The following CTNNA1 variants were observed in gnomAD, a reference collection of about 807,000 sequenced individuals.
The protein encoded by CTNNA1 is catenin alpha 1.
Under a neutral mutation model 98.4 loss-of-function variants are expected in CTNNA1, and 37 were observed. The ratio of observed to expected loss-of-function variants is 0.38; its 90% confidence interval spans 0.29 to 0.49. CTNNA1 has a LOEUF of 0.49. CTNNA1 is among the 20% of genes least tolerant of loss of function. The pLI, the probability that CTNNA1 is intolerant of heterozygous loss-of-function variation, is 0.95. For synonymous variants in CTNNA1, 404 were observed against 413.2 expected (o/e 0.98, Z 0.27); for missense variants, 761 against 1,147.2 (o/e 0.66, Z 4.86).
At position 138,917,824 on chromosome 5, in the gene CTNNA1, G is replaced by A. The variant is rs749135177; in HGVS notation, c.1472G>A (p.Trp491Ter). ...QENMDLFKEQWEKQVRVLTDA... is the reference protein window; with the variant it reads ...QENMDLFKEQ ...AACATGGATCTTTTTAAAGAACAAT[G>A]GGAAAAACAAGTCCGTGTTCTCACA... The change falls in exon 11 of 18, where the codon TGG becomes TAG. Residue 491 changes from tryptophan (W) to a stop codon, truncating the protein, a stop_gained. Transcript: ENST00000302763. LOFTEE classifies it high-confidence loss of function. 1 of 1,614,154 alleles carries A rather than the reference G, an allele frequency of 6.2e-7. No homozygotes were observed. Among genetic ancestry groups the A allele is most frequent in the Non-Finnish European group, 8.5e-7 (1 of 1,180,002 alleles).
chr5:138,778,822 A>T (rs971034012), intron 1 of CTNNA1, among the ~76,000 whole-genome samples: 2 of 152,122 alleles, frequency 1.3e-5, no homozygotes, highest in African/African-American at 4.8e-5. Flanking sequence ...TCTAATCTCC[A>T]CTAAAGCTCT....
intron 1 of CTNNA1, among the ~76,000 whole-genome samples, chr5:138,772,185 T>G (rs1753627680): frequency 6.6e-6 from 1 of 152,244 alleles, no homozygotes; most frequent in South Asian, 2.1e-4. Flanking sequence ...TGTTGTAGAT[T>G]GCTAGCTAAA....
At chr5:138,860,719 A>AACT (rs1764193504) in intron 7 of CTNNA1, among the ~76,000 whole-genome samples, 1 of 151,838 alleles carries the variant, frequency 6.6e-6, no homozygotes, top group Non-Finnish European at 1.5e-5. Context: ...TGGTCTGGGC[A>AACT]CCTGACCTCA....
At chr5:138,837,345 T>A (rs979641123) in intron 7 of CTNNA1, among the ~76,000 whole-genome samples, 8 of 152,198 alleles carry the variant, frequency 5.3e-5, no homozygotes, top group Non-Finnish European at 1.2e-4. Context: ...AGGTCAAGTC[T>A]AGCCTGCCAC....
At chr5:138,809,574 T>C (rs73269609) in intron 3 of CTNNA1, among the ~76,000 whole-genome samples, 1,908 of 152,322 alleles carry the variant, frequency 0.013, 46 homozygotes, top group African/African-American at 0.038. Context: ...TGAGTCTCTG[T>C]TATGGCTGTA....
chr5:138,776,061 T>TTTTA (rs1754116790), intron 1 of CTNNA1, among the ~76,000 whole-genome samples: 1 of 148,662 alleles, frequency 6.7e-6, no homozygotes, highest in Non-Finnish European at 1.5e-5. Flanking sequence ...TTTTTTTTTT[T>TTTTA]TTATTGATCA....
chr5:138,913,280 T>C (rs1051647002), intron 10 of CTNNA1, among the ~76,000 whole-genome samples: 1 of 152,228 alleles, frequency 6.6e-6, no homozygotes, highest in African/African-American at 2.4e-5. Context: ...TTGTCTTTAG[T>C]TACATTAATG....
intron 5 of CTNNA1, among the ~76,000 whole-genome samples, chr5:138,819,802 GT>G (rs1170843591): frequency 2.0e-5 from 3 of 147,622 alleles, no homozygotes. Flanking sequence ...GTGTCTAATT[GT>G]AGTCCCCAGT....
chr5:138,926,580 A>G (rs773977845), intron 13 of CTNNA1, among the ~76,000 whole-genome samples: 3 of 150,648 alleles, frequency 2.0e-5, no homozygotes, highest in African/African-American at 4.9e-5. Context: ...TGTGTGCTCT[A>G]CCTTCCTCCT....
Position 138,929,231 on chromosome 5 carries a change from T to C in CTNNA1, c.1900-15T>C. ...CAGAGATGTGTCTGACCTGTGATCTTTGTCTGGGTGGCAGACCCCTGAGGA... is the reference window on the plus strand; with the variant it reads ...CAGAGATGTGTCTGACCTGTGATCTCTGTCTGGGTGGCAGACCCCTGAGGA... On this transcript the variant is annotated splice_polypyrimidine_tract_variant and intron_variant, in intron 13 of 17. Transcript: ENST00000302763. 7.0e-7 allele frequency: 1 copy of C among 1,429,528 alleles called. No homozygotes were observed. Among genetic ancestry groups the C allele is most frequent in the Admixed American group, 1.7e-5 (1 of 59,828 alleles). The allele number at this position is 1,429,528 out of a possible 1,614,324, so 88.6% of individuals were successfully genotyped here.
At chr5:138,917,617 C>T in intron 10 of CTNNA1, 125 bp from the exon 11 acceptor site, 1 of 934,664 alleles carries the variant, frequency 1.1e-6, no homozygotes, top group Non-Finnish European at 1.6e-6. Context: ...GTTTTACACT[C>T]TTCCCCTTCA....
intron 7 of CTNNA1, among the ~76,000 whole-genome samples, chr5:138,885,569 G>A (rs182787970): frequency 6.6e-6 from 1 of 152,244 alleles, no homozygotes; most frequent in East Asian, 1.9e-4. Context: ...GACCTCTGAA[G>A]ACATGCTGTT....
chr5:138,812,401 T>A, intron 5 of CTNNA1, 99 bp downstream of exon 5: 2 of 1,308,104 alleles, frequency 1.5e-6, no homozygotes, highest in Non-Finnish European at 2.1e-6. Flanking sequence ...TTACTTACCT[T>A]CGCCAATATA....
chr5:138,924,251 C>T (rs1763498672), intron 11 of CTNNA1, among the ~76,000 whole-genome samples: 1 of 150,892 alleles, frequency 6.6e-6, no homozygotes, highest in South Asian at 2.1e-4. Context: ...GGCATGTCTC[C>T]TGTTTTTTTT....
Position 138,874,389 on chromosome 5 carries a change from C to G in CTNNA1, c.1063-11823C>G, listed in dbSNP as rs915718354. The G allele has an allele frequency of 6.2e-7, 1 of 1,613,784 alleles. No individual in the cohort carries two copies. The highest frequency in any genetic ancestry group is 1.3e-5 in the African/African-American group (1 of 74,916). On this transcript the variant is annotated intron_variant, in intron 7 of 17. Coordinates refer to ENST00000302763, the MANE Select transcript of CTNNA1 (RefSeq NM_001903.5). This position sits in a 1 kb window ranked among gnomAD's most constrained non-coding sequence, Gnocchi z 4.1. ...AGGCCCAGAGAGCCCTTGTCTGTGGCGTTTGGCACTGAGTGGAAGCCCTGA... is the reference window on the plus strand; with the variant it reads ...AGGCCCAGAGAGCCCTTGTCTGTGGGGTTTGGCACTGAGTGGAAGCCCTGA...
chr5:138,793,605 G>A lies in CTNNA1; in HGVS notation c.301+10233G>A, dbSNP rs952329972. Among the ~76,000 whole-genome samples the A allele has an allele frequency of 2.0e-5, 3 of 152,166 alleles. No individual in the cohort carries two copies. The East Asian group carries it at 5.8e-4, about 29-fold the overall frequency. ...AGTGTAGCTGAGGAAGTTATTTTAG[G>A]TATTAAAATTTTAGTTTTGGCATGA... On this transcript the variant is annotated intron_variant, in intron 3 of 17. Transcript: ENST00000302763.
At chr5:138,866,727 CT>C (rs1164206274) in intron 7 of CTNNA1, among the ~76,000 whole-genome samples, 1 of 152,188 alleles carries the variant, frequency 6.6e-6, no homozygotes. Context: ...ATTTCTTGCT[CT>C]TTACTGTCCT....
chr5:138,875,879 G>A (rs891555065), intron 7 of CTNNA1: 1 of 249,464 alleles, frequency 4.0e-6, no homozygotes, highest in African/African-American at 2.3e-5. Flanking sequence ...GTCATCAAGA[G>A]CTTAACATTA....
At chr5:138,754,089 T>C (rs1356276577) in intron 1 of CTNNA1, 1 of 152,210 alleles carries the variant, frequency 6.6e-6, no homozygotes, top group Non-Finnish European at 1.5e-5. Flanking sequence ...CCCATACAGC[T>C]TCGCCGTAGG....
Sources: allele counts gnomAD v4.1 joint callset (sites outside exome capture counted in the v4.1 genomes callset), GRCh38; gene constraint gnomAD v4.1.1; non-coding constraint Gnocchi (gnomAD v3.1); transcripts MANE v1.5; gene names NCBI Gene and HGNC (gene_info 2026-07-23, HGNC 2026-07-21).